Variants in CSMD1 observed in about 807,000 individuals in gnomAD.
CSMD1 encodes the protein CUB and Sushi multiple domains 1.
A neutral mutation model predicts 417.5 loss-of-function variants in CSMD1; 213 were observed. That is an observed-to-expected ratio of 0.51 (90% CI 0.46 to 0.57). CSMD1 has a LOEUF of 0.57. Among genes scored for constraint, CSMD1 ranks in the 20% least tolerant of loss-of-function variants. The pLI is 0.00. For synonymous variants in CSMD1, 2,862 were observed against 1,736.8 expected, an observed-to-expected ratio of 1.65 and a Z score of -16.11; for missense variants, 6,923 against 4,529.7, an observed-to-expected ratio of 1.53 and a Z score of -15.17.
chr8:4,536,815 C>T (rs922204087), intron 2 of CSMD1, among the ~76,000 whole-genome samples: 19 of 152,160 alleles, frequency 1.2e-4, no homozygotes, highest in Admixed American at 6.5e-4. Context: ...TATTAACATG[C>T]GGCCAAATTT....
intron 7 of CSMD1, among the ~76,000 whole-genome samples, chr8:3,656,490 C>A (rs1457935862): frequency 6.6e-6 from 1 of 152,172 alleles, no homozygotes; most frequent in Non-Finnish European, 1.5e-5. Flanking sequence ...CTGAAGCATT[C>A]ATTATGCAAT....
chr8:4,295,762 A>ATATG (rs1797645750), intron 3 of CSMD1, among the ~76,000 whole-genome samples: 2 of 26,076 alleles, frequency 7.7e-5, no homozygotes, highest in Non-Finnish European at 1.9e-4. Flanking sequence ...ATATATATAT[A>ATATG]TATATATATA....
At chr8:4,024,942 G>C (rs1273887202) in intron 4 of CSMD1, among the ~76,000 whole-genome samples, 1 of 152,234 alleles carries the variant, frequency 6.6e-6, no homozygotes, top group Non-Finnish European at 1.5e-5. Flanking sequence ...AGGTGAGGGA[G>C]CATGAATCTT....
At chr8:3,460,865 T>C (rs1479077070) in intron 12 of CSMD1, among the ~76,000 whole-genome samples, 2 of 152,184 alleles carry the variant, frequency 1.3e-5, no homozygotes, top group Admixed American at 6.5e-5. Context: ...GGAAGCTTGT[T>C]CTAGAAGCAA....
At chr8:4,785,148 C>T (rs920598985) in intron 1 of CSMD1, among the ~76,000 whole-genome samples, 5 of 152,190 alleles carry the variant, frequency 3.3e-5, no homozygotes, top group Non-Finnish European at 5.9e-5. Flanking sequence ...GAAAAGATAG[C>T]ATGTTTCCAT....
intron 1 of CSMD1, among the ~76,000 whole-genome samples, chr8:4,862,866 G>A (rs1199473330): frequency 1.3e-5 from 2 of 151,982 alleles, no homozygotes; most frequent in Non-Finnish European, 2.9e-5. Context: ...AAGATGTTCA[G>A]AAGTCAGGAA....
chr8:4,604,927 A>C (rs952837288), intron 2 of CSMD1, among the ~76,000 whole-genome samples: 1 of 152,162 alleles, frequency 6.6e-6, no homozygotes, highest in African/African-American at 2.4e-5. Flanking sequence ...TGCGCATGTC[A>C]GATTCTTTGC....
At chr8:4,228,069 T>G (rs560735612) in intron 3 of CSMD1, among the ~76,000 whole-genome samples, 6 of 151,966 alleles carry the variant, frequency 3.9e-5, no homozygotes, top group African/African-American at 1.2e-4. Flanking sequence ...TAACTTGCAT[T>G]AAACCCCACA....
At chr8:4,478,803 C>A (rs1387137373) in intron 2 of CSMD1, among the ~76,000 whole-genome samples, 1 of 152,130 alleles carries the variant, frequency 6.6e-6, no homozygotes, top group Non-Finnish European at 1.5e-5. Context: ...TTTAAATATT[C>A]TTTGGAGAAT....
intron 3 of CSMD1, among the ~76,000 whole-genome samples, chr8:4,285,699 A>G (rs999109701): frequency 2.6e-4 from 39 of 152,190 alleles, no homozygotes; most frequent in Admixed American, 7.2e-4. Context: ...GCTTTCCAGA[A>G]CTAGTAAAAC....
At chr8:4,586,472 T>A (rs1168885386) in intron 2 of CSMD1, among the ~76,000 whole-genome samples, 1 of 152,216 alleles carries the variant, frequency 6.6e-6, no homozygotes, top group African/African-American at 2.4e-5. Flanking sequence ...ATTTACTGGT[T>A]TAATGATAAA....
chr8:3,520,177 A>T (rs1797449225), intron 10 of CSMD1, among the ~76,000 whole-genome samples: 1 of 152,008 alleles, frequency 6.6e-6, no homozygotes, highest in South Asian at 2.1e-4. Context: ...AGAAGAAGAG[A>T]ATTTCACTTA....
intron 3 of CSMD1, among the ~76,000 whole-genome samples, chr8:4,043,630 T>C (rs185401627): frequency 1.1e-3 from 167 of 152,300 alleles, no homozygotes; most frequent in African/African-American, 3.7e-3. Context: ...AAAGACGAAA[T>C]GCATTTTTTA....
rs1278398312 is a variant in CSMD1 at position 4,171,781 on chromosome 8, A to G, written c.416-139682T>C. Among the ~76,000 whole-genome samples the G allele has an allele frequency of 4.6e-5, 7 of 152,156 alleles. 1 individual carries two copies. Among genetic ancestry groups the G allele is most frequent in the African/African-American group, 1.7e-4 (7 of 41,416 alleles). On this transcript the variant is annotated intron_variant, in intron 3 of 69. Transcript: ENST00000635120. ...TTTTTATTTCTTGGCTCACAATCCA[A>G]TTTACTTGAGTAACTTCATTCATTA...
At chr8:4,431,282 T>C (rs1167219776) in intron 2 of CSMD1, among the ~76,000 whole-genome samples, 1 of 152,160 alleles carries the variant, frequency 6.6e-6, no homozygotes, top group Non-Finnish European at 1.5e-5. Flanking sequence ...GCAAATTTAT[T>C]TTATCATATC....
At chr8:4,080,572 C>G (rs1347126157) in intron 3 of CSMD1, among the ~76,000 whole-genome samples, 1 of 152,114 alleles carries the variant, frequency 6.6e-6, no homozygotes, top group Non-Finnish European at 1.5e-5. Context: ...AACTGTATTG[C>G]ATATTTATGT....
chr8:4,292,512 C>G (rs915638170), intron 3 of CSMD1, among the ~76,000 whole-genome samples: 13 of 152,054 alleles, frequency 8.5e-5, no homozygotes, highest in African/African-American at 2.7e-4. Flanking sequence ...TTGGCCTCCC[C>G]GAGTGCTGGG....
Position 4,348,647 on chromosome 8 carries a change from G to GA in CSMD1, c.415+71305_415+71306insT, listed in dbSNP as rs1337976814. ...GGGAGGGGAGAGGGGGAGAGGGAGGGGGAGAGAGAGAGAGAGAGAGAGACT... is the reference window on the plus strand; with the variant it reads ...GGGAGGGGAGAGGGGGAGAGGGAGGGAGGAGAGAGAGAGAGAGAGAGAGACT... On this transcript the variant is annotated intron_variant, in intron 3 of 69. Coordinates refer to ENST00000635120, the MANE Select transcript of CSMD1 (RefSeq NM_033225.6). 8.0e-3 allele frequency among the ~76,000 whole-genome samples: 1,090 copies of GA among 135,478 alleles called. 8 individuals are homozygous for GA. The highest frequency in any genetic ancestry group is 0.013 in the Admixed American group (175 of 13,484). The allele number at this position is 135,478 out of a possible 152,430, so 88.9% of individuals were successfully genotyped here.
chr8:4,880,693 T>A lies in CSMD1; in HGVS notation c.85+113639A>T, dbSNP rs6992677. Reference sequence around the variant, plus strand: ...AGAGAGACTTTTCTGCCGTGCCTGTTCTGCCCATCGCATAATCATAAATAT... The same window carrying A: ...AGAGAGACTTTTCTGCCGTGCCTGTACTGCCCATCGCATAATCATAAATAT... On this transcript the variant is annotated intron_variant, in intron 1 of 69. Coordinates refer to ENST00000635120, the MANE Select transcript of CSMD1 (RefSeq NM_033225.6). Among the ~76,000 whole-genome samples, 5 of 152,060 alleles carry A rather than the reference T, an allele frequency of 3.3e-5. No individual in the cohort carries two copies. The South Asian group carries it at 1.0e-3, about 32-fold the overall frequency.
Sources: allele counts gnomAD v4.1 joint callset (sites outside exome capture counted in the v4.1 genomes callset), GRCh38; gene constraint gnomAD v4.1.1; transcripts MANE v1.5; gene names NCBI Gene and HGNC (gene_info 2026-07-23, HGNC 2026-07-21).